The following NRXN3 variants were observed in gnomAD, a reference collection of about 807,000 sequenced individuals.
The protein encoded by NRXN3 is neurexin 3.
NRXN3 carries 32 observed loss-of-function variants against 137.6 expected under a neutral mutation model. The observed-to-expected ratio is 0.23, with a 90% CI of 0.18 to 0.31. The LOEUF is 0.31. Among genes scored for constraint, NRXN3 ranks in the 10% least tolerant of loss-of-function variants. NRXN3 has a pLI of 1.00. For synonymous variants in NRXN3, 798 were observed against 784.5 expected (o/e 1.02, Z -0.29); for missense variants, 1,574 against 2,062.5 (o/e 0.76, Z 4.59).
At chr14:79,053,635 TTG>T (rs5809916) in intron 15 of NRXN3, among the ~76,000 whole-genome samples, 143,513 of 151,710 alleles carry the variant, frequency 0.95, 68,249 homozygotes, top group Non-Finnish European at 0.99. Context: ...TGTGTGTGTG[TTG>T]TGTGTGTGTG....
At chr14:79,324,941 G>A (rs531051552) in intron 15 of NRXN3, among the ~76,000 whole-genome samples, 14 of 152,230 alleles carry the variant, frequency 9.2e-5, no homozygotes, top group South Asian at 2.1e-4. Flanking sequence ...ACTGTCAGAC[G>A]TCCTTGTCCT....
chr14:79,657,150 C>T (rs1451312129), intron 16 of NRXN3, among the ~76,000 whole-genome samples: 1 of 152,186 alleles, frequency 6.6e-6, no homozygotes, highest in African/African-American at 2.4e-5. Context: ...TACTATTTAA[C>T]ACAAGTATTA....
At chr14:78,762,348 A>G (rs994619637) in intron 8 of NRXN3, among the ~76,000 whole-genome samples, 6 of 152,156 alleles carry the variant, frequency 3.9e-5, no homozygotes, top group Non-Finnish European at 7.3e-5. Context: ...CACACCTACT[A>G]TGGGAGACGG....
At chr14:78,188,046 A>G (rs1186795095) in intron 1 of NRXN3, among the ~76,000 whole-genome samples, 1 of 152,186 alleles carries the variant, frequency 6.6e-6, no homozygotes, top group Non-Finnish European at 1.5e-5. Context: ...TGTCCTCCAC[A>G]TACTCCTGCA....
chr14:79,665,290 C>T (rs373283550), intron 17 of NRXN3, among the ~76,000 whole-genome samples: 6 of 152,222 alleles, frequency 3.9e-5, no homozygotes, highest in African/African-American at 1.4e-4. Context: ...TTTGCCATCT[C>T]GGTTTCCATA....
rs57154485 is a variant in NRXN3 at position 79,036,593 on chromosome 14, G to GTTTT, written c.3262+48482_3262+48485dup. 3.9e-5 allele frequency among the ~76,000 whole-genome samples: 4 copies of GTTTT among 101,654 alleles called. No individual in the cohort carries two copies. The East Asian group carries it at 1.1e-3, about 29-fold the overall frequency. The allele number at this position is 101,654 out of a possible 152,430, so 66.7% of individuals were successfully genotyped here. The stretch of plus-strand genomic sequence containing the variant: ...TTTTATTGTATTGTTTTCGTTTTGG[G>GTTTT]TTTTTTTTTTTTTTTTTTTTTTTTT... On this transcript the variant is annotated intron_variant, in intron 15 of 20. Transcript: ENST00000335750.
chr14:78,612,095 T>C (rs770117053), intron 4 of NRXN3, among the ~76,000 whole-genome samples: 4 of 152,206 alleles, frequency 2.6e-5, no homozygotes, highest in Non-Finnish European at 4.4e-5. Context: ...CCGTGGTACA[T>C]TGAGGTCCAG....
chr14:79,239,824 GCCTTAAACAAGAAA>G, intron 15 of NRXN3, among the ~76,000 whole-genome samples: 1 of 152,168 alleles, frequency 6.6e-6, no homozygotes, highest in African/African-American at 2.4e-5. Context: ...ATATTATTCA[GCCTTAAACAAGAAA>G]GAATTTCTGC....
intron 15 of NRXN3, among the ~76,000 whole-genome samples, chr14:79,355,761 T>C (rs773194309): frequency 4.6e-5 from 7 of 152,212 alleles, no homozygotes; most frequent in Non-Finnish European, 7.3e-5. Flanking sequence ...CTTTCATCTT[T>C]TCTGTTCTGT....
chr14:78,990,252 C>A (rs199966790), intron 15 of NRXN3, among the ~76,000 whole-genome samples: 1 of 152,072 alleles, frequency 6.6e-6, no homozygotes, highest in African/African-American at 2.4e-5. Context: ...ACTTGGGAAA[C>A]TGCCTCTCTA....
At chr14:79,142,531 C>G (rs1173662703) in intron 15 of NRXN3, among the ~76,000 whole-genome samples, 4 of 152,056 alleles carry the variant, frequency 2.6e-5, no homozygotes, top group African/African-American at 7.2e-5. Flanking sequence ...AACAATGATC[C>G]AATATGGTTG....
At chr14:78,692,947 G>T (rs1056686203) in intron 6 of NRXN3, among the ~76,000 whole-genome samples, 1 of 151,776 alleles carries the variant, frequency 6.6e-6, no homozygotes, top group Non-Finnish European at 1.5e-5. Context: ...TGAGTGTGTG[G>T]TGGCACACGT....
At chr14:78,962,313 A>G (rs146420012) in intron 11 of NRXN3, among the ~76,000 whole-genome samples, 55 of 152,036 alleles carry the variant, frequency 3.6e-4, no homozygotes, top group Non-Finnish European at 6.0e-4. Context: ...ATGACATTTC[A>G]TAGTGATTAT....
At chr14:79,389,647 T>C (rs751725487) in intron 15 of NRXN3, among the ~76,000 whole-genome samples, 17 of 152,354 alleles carry the variant, frequency 1.1e-4, no homozygotes, top group Non-Finnish European at 1.9e-4. Context: ...GACTTAATAA[T>C]TGTAAGTTGT....
chr14:79,071,816 A>C (rs1007307425), intron 15 of NRXN3, among the ~76,000 whole-genome samples: 1 of 152,170 alleles, frequency 6.6e-6, no homozygotes, highest in African/African-American at 2.4e-5. Flanking sequence ...AAATAACTAA[A>C]AAAGCATAAT....
At chr14:78,226,759 T>A (rs1335003483) in intron 1 of NRXN3, among the ~76,000 whole-genome samples, 1 of 152,072 alleles carries the variant, frequency 6.6e-6, no homozygotes, top group Non-Finnish European at 1.5e-5. Context: ...AACTTTGAAA[T>A]TTTTTTTGCT....
chr14:78,690,767 G>A (rs978498626), intron 6 of NRXN3, among the ~76,000 whole-genome samples: 14 of 152,160 alleles, frequency 9.2e-5, no homozygotes, highest in African/African-American at 3.1e-4. Flanking sequence ...TAAGGAAGTT[G>A]GGAGGAGGAA....
At chr14:78,653,067 A>G (rs2097759183) in intron 6 of NRXN3, among the ~76,000 whole-genome samples, 1 of 152,178 alleles carries the variant, frequency 6.6e-6, no homozygotes, top group Non-Finnish European at 1.5e-5. Flanking sequence ...TAGAAAAGAG[A>G]GACATAATAA....
At chr14:79,238,090 G>A (rs563240666) in intron 15 of NRXN3, among the ~76,000 whole-genome samples, 40 of 152,190 alleles carry the variant, frequency 2.6e-4, no homozygotes, top group South Asian at 8.3e-4. Context: ...ATAAATATAG[G>A]AAGAACATTA....
Sources: gnomAD v4.1 joint callset for allele counts (sites outside exome capture counted in the v4.1 genomes callset) on GRCh38, gnomAD v4.1.1 for gene constraint, MANE v1.5 for transcripts, NCBI Gene and HGNC (gene_info 2026-07-23, HGNC 2026-07-21) for gene names.